Variants in UPF1 observed in about 807,000 individuals in gnomAD.
The protein encoded by UPF1 is UPF1 RNA helicase and ATPase, also known as regulator of nonsense transcripts 1.
UPF1 carries 9 observed loss-of-function variants against 129.2 expected under a neutral mutation model. The ratio of observed to expected loss-of-function variants is 0.07; its 90% CI spans 0.04 to 0.12. The LOEUF (loss-of-function observed/expected upper bound fraction) is 0.12. Among genes scored for constraint, UPF1 ranks in the 10% least tolerant of loss-of-function variants. The pLI is 1.00. For missense variants in UPF1, 788 were observed against 1,525.3 expected (o/e 0.52, Z 8.05); for synonymous variants, 649 against 644.9 (o/e 1.01, Z -0.10).
In UPF1 at chr19:18,865,188, C is replaced by A; in HGVS notation, c.2858-101C>A. ...ATCTTCAGCCTGGGCAGAGCCAGGA[C>A]AGATGTGCAGCTCCGGCTGACTGGC... On this transcript the variant is annotated intron_variant, in intron 20 of 23. Coordinates refer to ENST00000262803, the MANE Select transcript of UPF1 (RefSeq NM_002911.4). This position sits in a 1 kb window ranked among gnomAD's most constrained non-coding sequence, Gnocchi z 6.1. 1 of 1,395,274 alleles carries A rather than the reference C, an allele frequency of 7.2e-7. No individual in the cohort carries two copies. 86.4% of individuals were successfully genotyped at this position (1,395,274 alleles called of 1,614,324 possible). A position where few individuals can be genotyped will look rare whatever the true frequency, so the allele number is the denominator to read the frequency against.
intron 6 of UPF1, 88 bp from the exon 7 acceptor site, chr19:18,852,899 G>A: frequency 9.1e-7 from 1 of 1,104,152 alleles, no homozygotes; most frequent in Non-Finnish European, 1.3e-6. Context: ...TTGCTGTAGG[G>A]CCCGCCTCAT....
chr19:18,850,337 C>A lies in UPF1; in HGVS notation c.629+95C>A, dbSNP rs1263974736. ...CAGCCCAGCCCAGCCGTGGCTCTAA[C>A]TCCAGGGAGTTGTCCTCCAAAGATG... On this transcript the variant is annotated intron_variant, in intron 4 of 23. Coordinates refer to ENST00000262803, the MANE Select transcript of UPF1 (RefSeq NM_002911.4). The surrounding 1 kb of genome is among the most constrained non-coding windows in gnomAD (Gnocchi z 7.1). 4.1e-6 allele frequency: 6 copies of A among 1,468,508 alleles called. No homozygotes were observed. Among genetic ancestry groups the A allele is most frequent in the Non-Finnish European group, 5.4e-6 (6 of 1,101,482 alleles). The allele number at this position is 1,468,508 out of a possible 1,614,324, so 91.0% of individuals were successfully genotyped here. A position where few individuals can be genotyped will look rare whatever the true frequency, so the allele number is the denominator to read the frequency against.
In UPF1 at chr19:18,850,355, C is replaced by G. The variant is rs1021230660; in HGVS notation, c.629+113C>G. ...GCTCTAACTCCAGGGAGTTGTCCTC[C>G]AAAGATGGTTTTTGCTGAAGGGTGA... On this transcript the variant is annotated intron_variant, in intron 4 of 23. Transcript: ENST00000262803. The surrounding 1 kb of genome is among the most constrained non-coding windows in gnomAD (Gnocchi z 7.1). 1 of 1,418,184 alleles carries G rather than the reference C, an allele frequency of 7.1e-7. No individual in the cohort carries two copies. The highest frequency in any genetic ancestry group is 1.4e-5 in the African/African-American group (1 of 69,494). 87.9% of individuals were successfully genotyped at this position (1,418,184 alleles called of 1,614,324 possible).
chr19:18,862,021 C>T lies in UPF1; in HGVS notation c.2469C>T (p.Ile823=), dbSNP rs774643923. 26 of 1,613,806 alleles carry T rather than the reference C, an allele frequency of 1.6e-5. No individual in the cohort carries two copies. Among genetic ancestry groups the T allele is most frequent in the South Asian group, 1.1e-4 (10 of 91,082 alleles). The part of the protein sequence containing the change: ...LHTKLYQEVE[I]ASVDAFQGRE... Reference sequence around the variant, plus strand: ...AAGCTCCCTTCCAGGAGGTGGAGATCGCCAGTGTGGACGCCTTTCAGGGAC... The same window carrying T: ...AAGCTCCCTTCCAGGAGGTGGAGATTGCCAGTGTGGACGCCTTTCAGGGAC... The change falls in exon 18 of 24, where the codon ATC becomes ATT. Residue 823 remains isoleucine (I), a synonymous_variant. Transcript: ENST00000262803.
In UPF1 at chr19:18,849,991, G is replaced by A. The variant is rs921767163; in HGVS notation, c.462-84G>A. 17 of 1,559,362 alleles carry A rather than the reference G, an allele frequency of 1.1e-5. 1 individual carries two copies. The highest frequency in any genetic ancestry group is 1.7e-4 in the Middle Eastern group (1 of 5,934). Reference sequence around the variant, plus strand: ...CTGCTAATGGACCGTGAACGGTACCGGAACTTTTAACAGGGGCCCGAAAAT... The same window carrying A: ...CTGCTAATGGACCGTGAACGGTACCAGAACTTTTAACAGGGGCCCGAAAAT... On this transcript the variant is annotated intron_variant, in intron 3 of 23. Transcript: ENST00000262803.
At chr19:18,864,274 T>C (rs1296635864) in intron 20 of UPF1, 23 bp downstream of exon 20, 8 of 1,598,670 alleles carry the variant, frequency 5.0e-6, no homozygotes, top group East Asian at 2.3e-5. Context: ...GCAGGGGACC[T>C]GGCCGACCCC....
intron 23 of UPF1, 101 bp downstream of exon 23, chr19:18,866,267 A>G: frequency 7.0e-7 from 1 of 1,429,084 alleles, no homozygotes; most frequent in Non-Finnish European, 9.1e-7. Flanking sequence ...GGTATCTGGA[A>G]ATGTGTGCTG....
rs2055444839 is a variant in UPF1 at position 18,832,968 on chromosome 19, T to C, written c.231+528T>C. Among the ~76,000 whole-genome samples, 2 of 152,062 alleles carry C rather than the reference T, an allele frequency of 1.3e-5. No homozygotes were observed. Among genetic ancestry groups the C allele is most frequent in the South Asian group, 4.2e-4 (2 of 4,816 alleles). Reference sequence around the variant, plus strand: ...GAGTTCTCCTACGACCTGGGCCGGGTCTTGCTCAGGCCGGAGCTTGAGTGA... The same window carrying C: ...GAGTTCTCCTACGACCTGGGCCGGGCCTTGCTCAGGCCGGAGCTTGAGTGA... On this transcript the variant is annotated intron_variant, in intron 1 of 23. Transcript: ENST00000262803. The surrounding 1 kb of genome is among the most constrained non-coding windows in gnomAD (Gnocchi z 5.6).
rs141051363 is a variant in UPF1, at chr19:18,853,257, C to T, written c.1063C>T (p.Arg355Trp). 3 of 1,610,674 alleles carry T rather than the reference C, an allele frequency of 1.9e-6. No individual in the cohort carries two copies. The highest frequency in any genetic ancestry group is 1.1e-5 in the South Asian group (1 of 90,682). Residue 355 changes from arginine to tryptophan, a missense_variant, in exon 8 of 24, where the codon CGG becomes TGG. This residue lies in a region of UPF1 where 227 missense variants were observed against 517.9 expected (regional missense o/e 0.44). Transcript: ENST00000262803. This position sits in a 1 kb window ranked among gnomAD's most constrained non-coding sequence, Gnocchi z 4.4. Reference sequence around the variant, plus strand: ...TCTCACTTTTTTACCTCAAGACATGCGGCTCATGCAGGGGGATGAGATATG... The same window carrying T: ...TCTCACTTTTTTACCTCAAGACATGTGGCTCATGCAGGGGGATGAGATATG... ...FTLPKTDSDM[R>W]LMQGDEICLR...
Position 18,851,609 on chromosome 19 carries a change from A to G in UPF1, c.811-526A>G, listed in dbSNP as rs903793076. 6.6e-6 allele frequency among the ~76,000 whole-genome samples: 1 copy of G among 152,116 alleles called. No individual in the cohort carries two copies. The highest frequency in any genetic ancestry group is 1.5e-5 in the Non-Finnish European group (1 of 68,028). On this transcript the variant is annotated intron_variant, in intron 5 of 23. Transcript: ENST00000262803. This position sits in a 1 kb window ranked among gnomAD's most constrained non-coding sequence, Gnocchi z 4.2. ...TCCTGTCCCCACCAGCATGGCACTC[A>G]CTGAGGGAGCTGGCCCCCAGGGGAA...
Position 18,853,046 on chromosome 19 carries a change from C to T in UPF1, c.1032C>T (p.Tyr344=). ...GCCTTAACAAGAAGAGAATCGCCTA[C>T]TTCACTTTGCCCAAGACTGACTCTG... ...DLGLNKKRIA[Y]FTLPKTDSDM... The change falls in exon 7 of 24, where the codon TAC becomes TAT. Residue 344 remains tyrosine (Y), a synonymous_variant. Coordinates refer to ENST00000262803, the MANE Select transcript of UPF1 (RefSeq NM_002911.4). This position sits in a 1 kb window ranked among gnomAD's most constrained non-coding sequence, Gnocchi z 4.4. 6.2e-7 allele frequency: 1 copy of T among 1,614,186 alleles called. No homozygotes were observed. The highest frequency in any genetic ancestry group is 8.5e-7 in the Non-Finnish European group (1 of 1,180,020).
intron 13 of UPF1, among the ~76,000 whole-genome samples, 191 bp from the exon 14 acceptor site, chr19:18,856,686 G>T (rs535117457): frequency 6.6e-6 from 1 of 152,210 alleles, no homozygotes; most frequent in African/African-American, 2.4e-5. Context: ...AAACATGACC[G>T]TTTAAGGATC....
In UPF1 at chr19:18,853,268, G is replaced by A. The variant is rs1381115551; in HGVS notation, c.1074G>A (p.Gln358=). 6.2e-7 allele frequency: 1 copy of A among 1,612,546 alleles called. No homozygotes were observed. The highest frequency in any genetic ancestry group is 2.2e-5 in the East Asian group (1 of 44,864). ...TACCTCAAGACATGCGGCTCATGCAGGGGGATGAGATATGCCTGCGGTACA... is the reference window on the plus strand; with the variant it reads ...TACCTCAAGACATGCGGCTCATGCAAGGGGATGAGATATGCCTGCGGTACA... ...PKTDSDMRLM[Q]GDEICLRYKG... The change falls in exon 8 of 24, where the codon CAG becomes CAA. Residue 358 remains glutamine, a synonymous_variant. Coordinates refer to ENST00000262803, the MANE Select transcript of UPF1 (RefSeq NM_002911.4). The surrounding 1 kb of genome is among the most constrained non-coding windows in gnomAD (Gnocchi z 4.4).
In UPF1 at chr19:18,865,248, C is replaced by T. The variant is rs372261124; in HGVS notation, c.2858-41C>T. 179 of 1,564,686 alleles carry T rather than the reference C, an allele frequency of 1.1e-4. 2 individuals carry two copies. In the African/African-American group the frequency reaches 1.8e-3, roughly 16 times the overall value. Reference sequence around the variant, plus strand: ...GGGTGGGGTATCGCTGGGGTTTGACCGAGGCAGGTGACACCTGCCGTGTTC... The same window carrying T: ...GGGTGGGGTATCGCTGGGGTTTGACTGAGGCAGGTGACACCTGCCGTGTTC... On this transcript the variant is annotated intron_variant, in intron 20 of 23. Transcript: ENST00000262803. This position sits in a 1 kb window ranked among gnomAD's most constrained non-coding sequence, Gnocchi z 6.1.
intron 3 of UPF1, chr19:18,848,158 C>T (rs1202049139): frequency 6.9e-6 from 2 of 290,328 alleles, no homozygotes. Flanking sequence ...GTTCCCAAGG[C>T]AGTAACGGGC....
rs1028323710 is a variant in UPF1, at chr19:18,867,068, CTT to C, written c.*553_*554del. ...AAATAAGGGTGTTTTGGGTTTTTCT[CTT>C]TGTTTTTTTCAAGATTCTTTTAAAG... On this transcript the variant is annotated 3_prime_UTR_variant, in exon 24 of 24. Transcript: ENST00000262803. The C allele has an allele frequency of 3.3e-5, 5 of 152,584 alleles. No homozygotes were observed. The highest frequency in any genetic ancestry group is 9.6e-5 in the African/African-American group (4 of 41,456). The allele number at this position is 152,584 out of a possible 1,614,324, so 9.5% of individuals were successfully genotyped here.
rs891986738 is a variant in UPF1 at position 18,850,592 on chromosome 19, C to A, written c.630-96C>A. ...ATCACATAATAAAATGCAGGGCATG[C>A]CCCTTTGGGTGAAAGGTCAGCATGG... On this transcript the variant is annotated intron_variant, in intron 4 of 23. Transcript: ENST00000262803. The surrounding 1 kb of genome is among the most constrained non-coding windows in gnomAD (Gnocchi z 7.1). The A allele has an allele frequency of 2.1e-4, 284 of 1,363,908 alleles. 1 individual carries two copies. Among genetic ancestry groups the A allele is most frequent in the South Asian group, 5.9e-4 (39 of 66,088 alleles). The allele number at this position is 1,363,908 out of a possible 1,614,324, so 84.5% of individuals were successfully genotyped here. A position where few individuals can be genotyped will look rare whatever the true frequency, so the allele number is the denominator to read the frequency against.
chr19:18,860,525 G>A, intron 16 of UPF1, 87 bp downstream of exon 16: 1 of 1,357,410 alleles, frequency 7.4e-7, no homozygotes, highest in Non-Finnish European at 1.0e-6. Flanking sequence ...TTTAACATGG[G>A]ACTGAAACTT....
rs1399787420 is a variant in UPF1, at chr19:18,853,328, C to G, written c.1134C>G (p.Gly378=). 1 of 1,612,212 alleles carries G rather than the reference C, an allele frequency of 6.2e-7. No homozygotes were observed. Among genetic ancestry groups the G allele is most frequent in the South Asian group, 1.1e-5 (1 of 90,882 alleles). ...GDLAPLWKGI[G]HVIKVPDNYG... is the part of the protein sequence containing the mutation. ...TTGCGCCCCTGTGGAAAGGGATCGG[C>G]CACGTCATCAAGGTCCCTGATAGTA... is the stretch of plus-strand genomic sequence containing the variant. The change falls in exon 8 of 24, where the codon GGC becomes GGG. Residue 378 remains glycine, a synonymous_variant. Transcript: ENST00000262803. The surrounding 1 kb of genome is among the most constrained non-coding windows in gnomAD (Gnocchi z 4.4).
Sources: allele counts gnomAD v4.1 joint callset (sites outside exome capture counted in the v4.1 genomes callset), GRCh38; gene constraint gnomAD v4.1.1; regional missense constraint gnomAD v4.1.1; non-coding constraint Gnocchi (gnomAD v3.1); transcripts MANE v1.5; gene names NCBI Gene and HGNC (gene_info 2026-07-23, HGNC 2026-07-21).